The following VPS33B variants were observed in gnomAD, a reference collection of about 807,000 sequenced individuals.
VPS33B encodes VPS33B late endosome and lysosome associated, also known as vacuolar protein sorting-associated protein 33B.
VPS33B carries 80 observed loss-of-function variants against 95.3 expected under a neutral mutation model. That is an observed-to-expected ratio of 0.84 (90% CI 0.70 to 1.01). The LOEUF is 1.01. Among genes scored for constraint, VPS33B ranks in the 50% least tolerant of loss-of-function variants. The pLI, the probability that VPS33B is intolerant of heterozygous loss-of-function variation, is 0.00. For synonymous variants in VPS33B, 280 were observed against 280.4 expected (o/e 1.00, Z 0.01); for missense variants, 715 against 773.4 (o/e 0.92, Z 0.90).
rs915848158 is a variant in VPS33B, at chr15:91,009,120, G to A, written c.403+681C>T. On this transcript the variant is annotated intron_variant, in intron 6 of 22. Coordinates refer to ENST00000333371, the MANE Select transcript of VPS33B (RefSeq NM_018668.5). The surrounding 1 kb of genome is among the most constrained non-coding windows in gnomAD (Gnocchi z 4.1). ...GTGGAGAATAGCGGAGGAATACACAGAGGGGAGGCCCAGTTTTTCCTGTGG... is the reference window on the plus strand; with the variant it reads ...GTGGAGAATAGCGGAGGAATACACAAAGGGGAGGCCCAGTTTTTCCTGTGG... Among the ~76,000 whole-genome samples, 3 of 152,272 alleles carry A rather than the reference G, an allele frequency of 2.0e-5. No homozygotes were observed. The East Asian group carries it at 5.8e-4, about 29-fold the overall frequency.
Position 91,006,687 on chromosome 15 carries a change from T to A in VPS33B, c.743A>T (p.Glu248Val), listed in dbSNP as rs2040614991. ...GCGGAAGGTGTCATCTACTAGGCCC[T>A]CATAAACCACTTGGGAGCAAAGTGC... ...VTALCSQVVY[E>V]GLVDDTFRIK... The change falls in exon 10 of 23, where the codon GAG (glutamate) becomes GTG (valine). Residue 248 changes from glutamate to valine, a missense_variant. By Grantham distance (121) the Glu-to-Val change is moderately radical (BLOSUM62 -2). Coordinates refer to ENST00000333371, the MANE Select transcript of VPS33B (RefSeq NM_018668.5). The surrounding 1 kb of genome is among the most constrained non-coding windows in gnomAD (Gnocchi z 5.4). 1 of 1,614,148 alleles carries A rather than the reference T, an allele frequency of 6.2e-7. No individual in the cohort carries two copies. The highest frequency in any genetic ancestry group is 1.1e-5 in the South Asian group (1 of 91,082).
At position 91,002,949 on chromosome 15, in the gene VPS33B, G is replaced by T; in HGVS notation, c.1272+136C>A. On this transcript the variant is annotated intron_variant, in intron 17 of 22. Transcript: ENST00000333371. The surrounding 1 kb of genome is among the most constrained non-coding windows in gnomAD (Gnocchi z 4.7). ...TGCTGAAAGGTGACTCTCCCTAGTAGCTCTAAGAGGGAGGCCTGAATGGAA... is the reference window on the plus strand; with the variant it reads ...TGCTGAAAGGTGACTCTCCCTAGTATCTCTAAGAGGGAGGCCTGAATGGAA... 1 of 942,504 alleles carries T rather than the reference G, an allele frequency of 1.1e-6. No homozygotes were observed. Among genetic ancestry groups the T allele is most frequent in the Non-Finnish European group, 1.7e-6 (1 of 574,608 alleles). The allele number at this position is 942,504 out of a possible 1,614,324, so 58.4% of individuals were successfully genotyped here.
rs2040901485 is a variant in VPS33B at position 91,015,583 on chromosome 15, G to A, written c.240-1150C>T. 6.6e-6 allele frequency among the ~76,000 whole-genome samples: 1 copy of A among 151,922 alleles called. No individual in the cohort carries two copies. Among genetic ancestry groups the A allele is most frequent in the African/African-American group, 2.4e-5 (1 of 41,362 alleles). On this transcript the variant is annotated intron_variant, in intron 3 of 22. Transcript: ENST00000333371. The surrounding 1 kb of genome is among the most constrained non-coding windows in gnomAD (Gnocchi z 4.7). The stretch of plus-strand genomic sequence containing the variant: ...TAATCACAGCTACTTGGGAGGCTAA[G>A]AAGAATTGCTTGAACCTGGGAGGCA...
Position 91,018,916 on chromosome 15 carries a change from A to G in VPS33B, c.97-1031T>C, listed in dbSNP as rs2041022444. On this transcript the variant is annotated intron_variant, in intron 1 of 22. Coordinates refer to ENST00000333371, the MANE Select transcript of VPS33B (RefSeq NM_018668.5). The surrounding 1 kb of genome is among the most constrained non-coding windows in gnomAD (Gnocchi z 4.7). ...CTGCAACCTCCGCCTCCCGGATTCA[A>G]GCAATTCTCTGCCTCAGCCTCCCGA... is the stretch of plus-strand genomic sequence containing the variant. Among the ~76,000 whole-genome samples, 3 of 152,014 alleles carry G rather than the reference A, an allele frequency of 2.0e-5. No individual in the cohort carries two copies. The highest frequency in any genetic ancestry group is 2.0e-4 in the Admixed American group (3 of 15,242).
In VPS33B at chr15:91,007,858, C is replaced by T. The variant is rs1187709460; in HGVS notation, c.498+12G>A. 1.2e-6 allele frequency: 2 copies of T among 1,613,314 alleles called. No homozygotes were observed. Among genetic ancestry groups the T allele is most frequent in the East Asian group, 4.5e-5 (2 of 44,874 alleles). ...TCCCCTGATGCCAAGACACAAGGGC[C>T]TCTGCATTTACCAGAAAGTAATCCC... On this transcript the variant is annotated intron_variant, in intron 7 of 22. Coordinates refer to ENST00000333371, the MANE Select transcript of VPS33B (RefSeq NM_018668.5). The surrounding 1 kb of genome is among the most constrained non-coding windows in gnomAD (Gnocchi z 5.3).
At position 91,009,658 on chromosome 15, in the gene VPS33B, TCTC is replaced by T. The variant is rs1305593622; in HGVS notation, c.403+140_403+142del. ...ATTCCCATTCCCATTCTCAGGAACC[TCTC>T]CTCCTGCTACACTAACAGGAATAAG... is the stretch of plus-strand genomic sequence containing the variant. On this transcript the variant is annotated intron_variant, in intron 6 of 22. Transcript: ENST00000333371. This position sits in a 1 kb window ranked among gnomAD's most constrained non-coding sequence, Gnocchi z 4.1. 1.2e-6 allele frequency: 1 copy of T among 864,818 alleles called. No individual in the cohort carries two copies. Among genetic ancestry groups the T allele is most frequent in the Non-Finnish European group, 1.8e-6 (1 of 562,262 alleles). 53.6% of individuals were successfully genotyped at this position (864,818 alleles called of 1,614,324 possible).
chr15:91,008,689 G>A (rs1360524942), intron 6 of VPS33B, among the ~76,000 whole-genome samples: 1 of 152,220 alleles, frequency 6.6e-6, no homozygotes, highest in Non-Finnish European at 1.5e-5. Flanking sequence ...ACAGTCTAGT[G>A]AGGGAGACAC....
chr15:91,005,625 A>G lies in VPS33B; in HGVS notation c.1030+69T>C. 1.3e-6 allele frequency: 2 copies of G among 1,595,986 alleles called. No homozygotes were observed. Among genetic ancestry groups the G allele is most frequent in the Non-Finnish European group, 1.7e-6 (2 of 1,163,498 alleles). ...AACAGGGATCTCCTCCTCGGGAGTA[A>G]TGGTCCTCTGGAGCTTTCCCCAGAG... is the stretch of plus-strand genomic sequence containing the variant. On this transcript the variant is annotated intron_variant, in intron 13 of 22. Transcript: ENST00000333371. The surrounding 1 kb of genome is among the most constrained non-coding windows in gnomAD (Gnocchi z 6.4).
rs1348811249 is a variant in VPS33B, at chr15:91,015,831, G to A, written c.239+1132C>T. 6.6e-6 allele frequency among the ~76,000 whole-genome samples: 1 copy of A among 151,832 alleles called. No homozygotes were observed. The highest frequency in any genetic ancestry group is 1.5e-5 in the Non-Finnish European group (1 of 67,984). ...TGCAACAGAGTGAGACCCTGTCTCT[G>A]AAAATAAATAAATTTAATTAAAAAA... On this transcript the variant is annotated intron_variant, in intron 3 of 22. Transcript: ENST00000333371. This position sits in a 1 kb window ranked among gnomAD's most constrained non-coding sequence, Gnocchi z 4.7.
At position 91,005,525 on chromosome 15, in the gene VPS33B, T is replaced by TAAA; in HGVS notation, c.1031-74_1031-72dup. The TAAA allele has an allele frequency of 6.2e-7, 1 of 1,609,612 alleles. No homozygotes were observed. Among genetic ancestry groups the TAAA allele is most frequent in the East Asian group, 2.2e-5 (1 of 44,846 alleles). ...GATGTCCCTTTATTGTCCGGAAGAA[T>TAAA]AAAAAACCTCCTAAGGCAAAATCCG... is the stretch of plus-strand genomic sequence containing the variant. On this transcript the variant is annotated intron_variant, in intron 13 of 22. Transcript: ENST00000333371. The surrounding 1 kb of genome is among the most constrained non-coding windows in gnomAD (Gnocchi z 6.4).
chr15:91,008,314 G>C (rs2040675753), intron 6 of VPS33B, among the ~76,000 whole-genome samples: 1 of 152,160 alleles, frequency 6.6e-6, no homozygotes, highest in African/African-American at 2.4e-5. Context: ...ATCCAGGCTG[G>C]AGTGCAATGG....
intron 3 of VPS33B, among the ~76,000 whole-genome samples, chr15:91,016,117 C>T (rs1007772942): frequency 5.9e-5 from 9 of 152,032 alleles, no homozygotes; most frequent in African/African-American, 1.9e-4. Flanking sequence ...AGGAGGTGGC[C>T]GGGCTCTGAA....
chr15:91,000,118 G>A lies in VPS33B; in HGVS notation c.1582-143C>T, dbSNP rs1012471722. ...GACAGGGCCAGGTGTGGTGGCTCAC[G>A]CCTGTAATTCCAACACTTTAGGAGT... On this transcript the variant is annotated intron_variant, in intron 20 of 22. Transcript: ENST00000333371. This position sits in a 1 kb window ranked among gnomAD's most constrained non-coding sequence, Gnocchi z 4.9. 2.9e-6 allele frequency: 3 copies of A among 1,027,196 alleles called. No homozygotes were observed. The highest frequency in any genetic ancestry group is 1.3e-5 in the South Asian group (1 of 75,206). The allele number at this position is 1,027,196 out of a possible 1,614,324, so 63.6% of individuals were successfully genotyped here.
In VPS33B at chr15:91,006,996, G is replaced by T. The variant is rs2040628240; in HGVS notation, c.654C>A (p.Thr218=). The change falls in exon 9 of 23, where the codon ACC becomes ACA. Residue 218 remains threonine (T), a synonymous_variant. Transcript: ENST00000333371. The surrounding 1 kb of genome is among the most constrained non-coding windows in gnomAD (Gnocchi z 5.4). ...RNLEEEEDGE[T]KGRRPEIGHI... ...GTCCAATCTCTGGCCTTCGGCCCTT[G>T]GTTTCGCCATCCTCCTCCTCCTCCA... 2 of 1,613,868 alleles carry T rather than the reference G, an allele frequency of 1.2e-6. No individual in the cohort carries two copies. Among genetic ancestry groups the T allele is most frequent in the African/African-American group, 2.7e-5 (2 of 74,938 alleles).
rs2040360832 is a variant in VPS33B, at chr15:90,999,204, G to A, written c.1775-150C>T. On this transcript the variant is annotated intron_variant, in intron 22 of 22. Coordinates refer to ENST00000333371, the MANE Select transcript of VPS33B (RefSeq NM_018668.5). The surrounding 1 kb of genome is among the most constrained non-coding windows in gnomAD (Gnocchi z 5.1). ...GAGTGCCATGCTCTTGGGCACCACT[G>A]CTTTCTATGACTGGTATAACTGGGC... 4.0e-6 allele frequency: 3 copies of A among 755,180 alleles called. No homozygotes were observed. The highest frequency in any genetic ancestry group is 4.0e-5 in the Admixed American group (2 of 49,484). 46.8% of individuals were successfully genotyped at this position (755,180 alleles called of 1,614,324 possible). A position where few individuals can be genotyped will look rare whatever the true frequency, so the allele number is the denominator to read the frequency against.
Position 91,000,529 on chromosome 15 carries a change from A to G in VPS33B, c.1542T>C (p.Gly514=). The change falls in exon 20 of 23, where the codon GGT becomes GGC. Residue 514 remains glycine, a synonymous_variant. Transcript: ENST00000333371. This position sits in a 1 kb window ranked among gnomAD's most constrained non-coding sequence, Gnocchi z 4.9. ...KVPRDMAYVF[G]GAYVPLSCRI... ...GGCAGCTCAGGGGCACATAAGCACC[A>G]CCGAAGACGTAAGCCATGTCTCGGG... 1 of 1,613,718 alleles carries G rather than the reference A, an allele frequency of 6.2e-7. No individual in the cohort carries two copies. Among genetic ancestry groups the G allele is most frequent in the Non-Finnish European group, 8.5e-7 (1 of 1,179,754 alleles).
Position 91,010,125 on chromosome 15 carries a change from A to G in VPS33B, c.358-279T>C, listed in dbSNP as rs1015478364. On this transcript the variant is annotated intron_variant, in intron 5 of 22. Coordinates refer to ENST00000333371, the MANE Select transcript of VPS33B (RefSeq NM_018668.5). This position sits in a 1 kb window ranked among gnomAD's most constrained non-coding sequence, Gnocchi z 5.7. ...AGGAGAAGGAGTTCAGCTGTCTTCA[A>G]AAGGTAAGTTGTACAGACAGAGATG... Among the ~76,000 whole-genome samples, 2 of 149,182 alleles carry G rather than the reference A, an allele frequency of 1.3e-5. No individual in the cohort carries two copies. The highest frequency in any genetic ancestry group is 5.2e-5 in the African/African-American group (2 of 38,606).
In VPS33B at chr15:91,000,400, T is replaced by C; in HGVS notation, c.1581+90A>G. 1 of 837,246 alleles carries C rather than the reference T, an allele frequency of 1.2e-6. No individual in the cohort carries two copies. Among genetic ancestry groups the C allele is most frequent in the Non-Finnish European group, 1.6e-6 (1 of 611,996 alleles). 51.9% of individuals were successfully genotyped at this position (837,246 alleles called of 1,614,324 possible). A position where few individuals can be genotyped will look rare whatever the true frequency, so the allele number is the denominator to read the frequency against. On this transcript the variant is annotated intron_variant, in intron 20 of 22. Transcript: ENST00000333371. The surrounding 1 kb of genome is among the most constrained non-coding windows in gnomAD (Gnocchi z 4.9). ...TGACAGAGCAAGACTCCATCTCAAATAAAAAAAAAAAAACATTGAGACACG... is the reference window on the plus strand; with the variant it reads ...TGACAGAGCAAGACTCCATCTCAAACAAAAAAAAAAAAACATTGAGACACG...
chr15:91,022,486 T>C lies in VPS33B; in HGVS notation c.-237A>G. 4.6e-6 allele frequency: 2 copies of C among 439,090 alleles called. No individual in the cohort carries two copies. The highest frequency in any genetic ancestry group is 8.2e-6 in the Non-Finnish European group (2 of 242,764). 27.2% of individuals were successfully genotyped at this position (439,090 alleles called of 1,614,324 possible). On this transcript the variant is annotated 5_prime_UTR_variant, in exon 1 of 23. Coordinates refer to ENST00000333371, the MANE Select transcript of VPS33B (RefSeq NM_018668.5). ...ACCTGCAGCCACCGTGTCTCGACCC[T>C]CCCTCCCTGATCCACTCTGCCCGTC...
Sources: gnomAD v4.1 joint callset for allele counts (sites outside exome capture counted in the v4.1 genomes callset) on GRCh38, gnomAD v4.1.1 for gene constraint, Gnocchi (gnomAD v3.1) non-coding constraint, MANE v1.5 for transcripts, NCBI Gene and HGNC (gene_info 2026-07-23, HGNC 2026-07-21) for gene names.